HDAC4: variants seen among roughly 807,000 people sequenced by gnomAD.
The protein encoded by HDAC4 is histone deacetylase 4.
In HDAC4, 16 loss-of-function variants were observed where a neutral mutation model predicts 135.1. That is an observed-to-expected ratio of 0.12 (90% CI 0.08 to 0.18). The LOEUF is 0.18. HDAC4 is among the 10% of genes least tolerant of loss of function. The probability of loss-of-function intolerance (pLI) is 1.00; values close to 1 mark genes in which losing one functional copy is unlikely to be tolerated. For missense variants in HDAC4, 1,143 were observed against 1,511.8 expected, an observed-to-expected ratio of 0.76 and a Z score of 4.05; for synonymous variants, 685 against 653.4, an observed-to-expected ratio of 1.05 and a Z score of -0.74.
At chr2:239,218,438 C>A (rs1472368338) in intron 3 of HDAC4, among the ~76,000 whole-genome samples, 1 of 150,758 alleles carries the variant, frequency 6.6e-6, no homozygotes, top group Non-Finnish European at 1.5e-5. Flanking sequence ...AAACTGGATC[C>A]CTTCCTTACA....
chr2:239,385,737 A>G (rs1695752841), intron 1 of HDAC4, among the ~76,000 whole-genome samples: 2 of 152,206 alleles, frequency 1.3e-5, no homozygotes, highest in Non-Finnish European at 2.9e-5. Context: ...AGCCTCGTCC[A>G]TTACTCACTA....
At chr2:239,148,781 G>A (rs563454909) in intron 7 of HDAC4, among the ~76,000 whole-genome samples, 13 of 152,334 alleles carry the variant, frequency 8.5e-5, no homozygotes, top group Admixed American at 5.9e-4. Context: ...GGGCCAGGCC[G>A]GGAGAGCAGA....
chr2:239,300,325 G>A (rs1290711683), intron 2 of HDAC4, among the ~76,000 whole-genome samples: 1 of 152,160 alleles, frequency 6.6e-6, no homozygotes, highest in African/African-American at 2.4e-5. Context: ...GTAGCTACTG[G>A]CCACATGTGG....
At position 239,084,463 on chromosome 2, in the gene HDAC4, GCGCA is replaced by G. The variant is rs749631620; in HGVS notation, c.2445-225_2445-222del. On this transcript the variant is annotated intron_variant, in intron 19 of 26. Coordinates refer to ENST00000543185, the MANE Select transcript of HDAC4 (RefSeq NM_001378414.1). ...TGCAGACACACTCACACGCGTGCGC[GCGCA>G]CACACACACACACACACACACAGCT... Among the ~76,000 whole-genome samples the G allele has an allele frequency of 2.7e-3, 395 of 146,726 alleles. 5 individuals are homozygous for G. The highest frequency in any genetic ancestry group is 8.2e-3 in the African/African-American group (327 of 40,082).
At chr2:239,206,908 C>T (rs2046080136) in intron 3 of HDAC4, among the ~76,000 whole-genome samples, 1 of 152,160 alleles carries the variant, frequency 6.6e-6, no homozygotes, top group South Asian at 2.1e-4. Flanking sequence ...GTAAAAGAGT[C>T]CCTATCTTTT....
chr2:239,380,596 A>G (rs1695350888), intron 1 of HDAC4, among the ~76,000 whole-genome samples: 1 of 152,194 alleles, frequency 6.6e-6, no homozygotes, highest in African/African-American at 2.4e-5. Flanking sequence ...TTGCAAGATG[A>G]AAAAATTCTA....
chr2:239,059,457 A>C (rs1251900336), intron 24 of HDAC4, among the ~76,000 whole-genome samples: 1 of 152,204 alleles, frequency 6.6e-6, no homozygotes, highest in Non-Finnish European at 1.5e-5. Flanking sequence ...GGACAACCCC[A>C]GGGATGAAAG....
Position 239,050,744 on chromosome 2 carries a change from C to A in HDAC4, c.*2353G>T. On this transcript the variant is annotated 3_prime_UTR_variant, in exon 27 of 27. Coordinates refer to ENST00000543185, the MANE Select transcript of HDAC4 (RefSeq NM_001378414.1). ...TGAACTTCTGCCCCCAAGTCTGAAC[C>A]CAATATACACTTTGGAATGAAACTG... The A allele has an allele frequency of 6.5e-6, 1 of 152,712 alleles. No individual in the cohort carries two copies. The allele number at this position is 152,712 out of a possible 1,614,324, so 9.5% of individuals were successfully genotyped here. A position where few individuals can be genotyped will look rare whatever the true frequency, so the allele number is the denominator to read the frequency against.
At chr2:239,145,296 C>T (rs970817274) in intron 7 of HDAC4, among the ~76,000 whole-genome samples, 14 of 152,186 alleles carry the variant, frequency 9.2e-5, no homozygotes, top group Admixed American at 6.5e-4. Context: ...CCCACCCCGA[C>T]CTGGGGAGGC....
chr2:239,394,302 A>C (rs751383158), intron 1 of HDAC4, among the ~76,000 whole-genome samples: 4 of 152,226 alleles, frequency 2.6e-5, no homozygotes, highest in Non-Finnish European at 5.9e-5. Flanking sequence ...GCAGACTCCA[A>C]AATGTTTATG....
At chr2:239,354,864 C>G (rs1159816990) in intron 1 of HDAC4, among the ~76,000 whole-genome samples, 4 of 152,230 alleles carry the variant, frequency 2.6e-5, no homozygotes, top group African/African-American at 9.6e-5. Flanking sequence ...CAAACCCTCA[C>G]AAATCTCAGA....
chr2:239,358,368 C>G (rs1391363723), intron 1 of HDAC4, among the ~76,000 whole-genome samples: 1 of 152,200 alleles, frequency 6.6e-6, no homozygotes, highest in African/African-American at 2.4e-5. Context: ...CAAACCAGCT[C>G]CTAGGTTTTT....
intron 3 of HDAC4, among the ~76,000 whole-genome samples, chr2:239,226,966 G>A (rs2153146637): frequency 6.6e-6 from 1 of 152,210 alleles, no homozygotes; most frequent in East Asian, 1.9e-4. Flanking sequence ...ACAGTGTGTG[G>A]ATTGTTTAGA....
chr2:239,350,829 T>C (rs533823597), intron 2 of HDAC4, among the ~76,000 whole-genome samples: 1 of 152,172 alleles, frequency 6.6e-6, no homozygotes, highest in Non-Finnish European at 1.5e-5. Flanking sequence ...TATTGATACA[T>C]ACATACAGAC....
At chr2:239,227,727 G>A (rs1401312163) in intron 3 of HDAC4, among the ~76,000 whole-genome samples, 1 of 152,190 alleles carries the variant, frequency 6.6e-6, no homozygotes, top group Non-Finnish European at 1.5e-5. Context: ...CCGGTGAAAT[G>A]AGCAAGCAAG....
At chr2:239,107,122 G>A (rs2038216340) in intron 15 of HDAC4, among the ~76,000 whole-genome samples, 1 of 152,156 alleles carries the variant, frequency 6.6e-6, no homozygotes, top group Admixed American at 6.5e-5. Context: ...CTATCAGCAG[G>A]GCCTGGCCAC....
At chr2:239,377,654 C>T (rs1465654317) in intron 1 of HDAC4, among the ~76,000 whole-genome samples, 1 of 152,246 alleles carries the variant, frequency 6.6e-6, no homozygotes, top group Non-Finnish European at 1.5e-5. Flanking sequence ...GGGCCACAGT[C>T]TCACCACTGG....
At chr2:239,192,937 C>G (rs967731326) in intron 3 of HDAC4, among the ~76,000 whole-genome samples, 6 of 152,212 alleles carry the variant, frequency 3.9e-5, no homozygotes, top group Non-Finnish European at 5.9e-5. Flanking sequence ...CAACAACGAC[C>G]ATGTTATTTA....
chr2:239,129,395 A>T (rs1263996371), intron 11 of HDAC4, among the ~76,000 whole-genome samples: 1 of 152,232 alleles, frequency 6.6e-6, no homozygotes, highest in Non-Finnish European at 1.5e-5. Flanking sequence ...CCATCAGGAC[A>T]CAATTCTGTG....
Sources: allele counts gnomAD v4.1 joint callset (sites outside exome capture counted in the v4.1 genomes callset), GRCh38; gene constraint gnomAD v4.1.1; transcripts MANE v1.5; gene names NCBI Gene and HGNC (gene_info 2026-07-23, HGNC 2026-07-21).